MAP3K13: variants seen among roughly 807,000 people sequenced by gnomAD.
MAP3K13 encodes the protein leucine zipper-bearing kinase.
A neutral mutation model predicts 104.0 loss-of-function variants in MAP3K13; 52 were observed. That is an observed-to-expected ratio of 0.50 (90% CI 0.40 to 0.63). MAP3K13 has a LOEUF of 0.63. Among genes scored for constraint, MAP3K13 ranks in the 20% least tolerant of loss-of-function variants. The pLI is 0.00. For synonymous variants in MAP3K13, 394 were observed against 442.2 expected (o/e 0.89, Z 1.37); for missense variants, 914 against 1,218.5 (o/e 0.75, Z 3.72).
At chr3:185,381,534 G>A (rs1281933111) in intron 1 of MAP3K13, among the ~76,000 whole-genome samples, 1 of 152,200 alleles carries the variant, frequency 6.6e-6, no homozygotes, top group Non-Finnish European at 1.5e-5. Flanking sequence ...CGAACAAGAT[G>A]AGGCTCTGCC....
chr3:185,455,586 T>TATATATG lies in MAP3K13; in HGVS notation c.1278+4193_1278+4199dup, dbSNP rs1560119964. Among the ~76,000 whole-genome samples the TATATATG allele has an allele frequency of 2.9e-3, 42 of 14,652 alleles. 12 individuals are homozygous for TATATATG. The highest frequency in any genetic ancestry group is 0.024 in the South Asian group (9 of 382). 9.6% of individuals were successfully genotyped at this position (14,652 alleles called of 152,430 possible). ...TGAGATATATATGACATATATATGA[T>TATATATG]ATATATGAGATATATATATCATATA... On this transcript the variant is annotated intron_variant, in intron 7 of 13. Coordinates refer to ENST00000265026, the MANE Select transcript of MAP3K13 (RefSeq NM_004721.5).
intron 2 of MAP3K13, among the ~76,000 whole-genome samples, chr3:185,317,979 C>T (rs749788875): frequency 1.7e-4 from 26 of 149,806 alleles, no homozygotes; most frequent in Middle Eastern, 3.5e-3. Context: ...AAAAAAAAAG[C>T]GAAGGAAAAA....
At chr3:185,309,641 T>A (rs1721430423) in intron 2 of MAP3K13, among the ~76,000 whole-genome samples, 1 of 152,190 alleles carries the variant, frequency 6.6e-6, no homozygotes, top group African/African-American at 2.4e-5. Context: ...TTCTCTCATA[T>A]GGAGCAAAAA....
intron 7 of MAP3K13, among the ~76,000 whole-genome samples, chr3:185,453,837 A>G (rs763725474): frequency 0.049 from 519 of 10,610 alleles, 52 homozygotes; most frequent in Non-Finnish European, 0.066. Context: ...ATATATATAT[A>G]TGATACATAT....
Position 185,454,789 on chromosome 3 carries a change from G to GAT in MAP3K13, c.1278+3401_1278+3402dup, listed in dbSNP as rs1553808254. ...TGACATATATATGAGATATATACAT[G>GAT]ATATATATGAGATATATACATGATA... is the stretch of plus-strand genomic sequence containing the variant. On this transcript the variant is annotated intron_variant, in intron 7 of 13. Transcript: ENST00000265026. 8.9e-4 allele frequency among the ~76,000 whole-genome samples: 50 copies of GAT among 56,154 alleles called. 11 individuals carry two copies. Among genetic ancestry groups the GAT allele is most frequent in the African/African-American group, 2.6e-3 (37 of 14,298 alleles). The allele number at this position is 56,154 out of a possible 152,430, so 36.8% of individuals were successfully genotyped here.
intron 7 of MAP3K13, among the ~76,000 whole-genome samples, chr3:185,461,532 T>A (rs544090673): frequency 6.6e-5 from 10 of 152,260 alleles, no homozygotes; most frequent in African/African-American, 2.4e-4. Context: ...GTACACTTAA[T>A]GAGAGCTACT....
At chr3:185,317,699 A>G (rs1721724901) in intron 2 of MAP3K13, among the ~76,000 whole-genome samples, 1 of 152,082 alleles carries the variant, frequency 6.6e-6, no homozygotes, top group Non-Finnish European at 1.5e-5. Context: ...TGTATAATTG[A>G]CCCTACATCG....
chr3:185,290,858 T>G (rs922192814), intron 2 of MAP3K13, among the ~76,000 whole-genome samples: 16 of 152,126 alleles, frequency 1.1e-4, no homozygotes, highest in African/African-American at 3.9e-4. Flanking sequence ...GCATATAAGA[T>G]AAACAGAATG....
intron 7 of MAP3K13, among the ~76,000 whole-genome samples, chr3:185,453,891 G>A (rs531305491): frequency 5.5e-3 from 356 of 64,668 alleles, no homozygotes; most frequent in African/African-American, 0.02. Flanking sequence ...AGATATATAT[G>A]TGATACATAT....
intron 7 of MAP3K13, among the ~76,000 whole-genome samples, chr3:185,455,410 A>G (rs1468661539): frequency 1.1e-5 from 1 of 88,818 alleles, no homozygotes; most frequent in Non-Finnish European, 2.2e-5. Context: ...AGATATATAT[A>G]TGAGATATAT....
Position 185,293,588 on chromosome 3 carries a change from C to G in MAP3K13, c.-86+7945C>G, listed in dbSNP as rs574749167. ...TACAGGCACATGCCACCACACCCAG[C>G]TAATTTTTGTATTTTTTGTAGAGAT... On this transcript the variant is annotated intron_variant, in intron 2 of 14. Transcript: ENST00000424227. Among the ~76,000 whole-genome samples, 10 of 152,192 alleles carry G rather than the reference C, an allele frequency of 6.6e-5. No homozygotes were observed. The South Asian group carries it at 1.0e-3, about 16-fold the overall frequency.
At chr3:185,455,513 G>GATATATGATATATATGAC (rs1716525013) in intron 7 of MAP3K13, among the ~76,000 whole-genome samples, 1 of 3,614 alleles carries the variant, frequency 2.8e-4, no homozygotes, top group South Asian at 9.6e-3. Flanking sequence ...ATATATATGA[G>GATATATGATATATATGAC]ATATATATGA....
intron 7 of MAP3K13, among the ~76,000 whole-genome samples, chr3:185,454,736 T>G (rs187234880): frequency 0.1 from 1,241 of 12,396 alleles, 482 homozygotes; most frequent in South Asian, 0.28. Context: ...ATATATATGA[T>G]ATATATATCA....
At chr3:185,373,943 A>G (rs1233587384) in intron 1 of MAP3K13, among the ~76,000 whole-genome samples, 2 of 148,774 alleles carry the variant, frequency 1.3e-5, no homozygotes, top group Non-Finnish European at 1.5e-5. Flanking sequence ...TAGTTCTTAT[A>G]GGTTTTGGGA....
intron 2 of MAP3K13, 111 bp downstream of exon 2, chr3:185,429,167 A>G (rs1714606010): frequency 1.0e-6 from 1 of 953,078 alleles, no homozygotes. Flanking sequence ...TTAAAGAACT[A>G]GTGACAGATG....
At chr3:185,389,793 TTTG>T (rs1380304391) in intron 1 of MAP3K13, among the ~76,000 whole-genome samples, 1 of 86,456 alleles carries the variant, frequency 1.2e-5, no homozygotes, top group African/African-American at 4.1e-5. Context: ...AAACAAAAAA[TTTG>T]TTAAGTATTT....
chr3:185,361,515 C>T (rs979645962), upstream of MAP3K13, among the ~76,000 whole-genome samples: 1 of 152,100 alleles, frequency 6.6e-6, no homozygotes, highest in Non-Finnish European at 1.5e-5. Flanking sequence ...ATTCTCCTGC[C>T]TCAGCCTCCC....
chr3:185,455,138 GAT>G (rs1279245415), intron 7 of MAP3K13, among the ~76,000 whole-genome samples: 2 of 103,946 alleles, frequency 1.9e-5, no homozygotes, highest in South Asian at 3.1e-4. Flanking sequence ...ATATATATAT[GAT>G]ATATATGTGA....
At chr3:185,326,166 C>A (rs745782904) in intron 2 of MAP3K13, among the ~76,000 whole-genome samples, 1 of 152,102 alleles carries the variant, frequency 6.6e-6, no homozygotes, top group South Asian at 2.1e-4. Flanking sequence ...CTGGAATGTC[C>A]GTCCCGGGAG....
Sources: allele counts gnomAD v4.1 joint callset (sites outside exome capture counted in the v4.1 genomes callset), GRCh38; gene constraint gnomAD v4.1.1; transcripts MANE v1.5; gene names NCBI Gene and HGNC (gene_info 2026-07-23, HGNC 2026-07-21).